Variants in CSMD3 observed in about 807,000 individuals in gnomAD.
The protein encoded by CSMD3 is CUB and sushi domain-containing protein 3.
A neutral mutation model predicts 435.2 loss-of-function variants in CSMD3; 177 were observed. The ratio of observed to expected loss-of-function variants is 0.41; its 90% CI spans 0.36 to 0.46. The LOEUF (loss-of-function observed/expected upper bound fraction) is 0.46. CSMD3 is among the 20% of genes least tolerant of loss of function. The pLI, the probability that CSMD3 is intolerant of heterozygous loss-of-function variation, is 0.34. For synonymous variants in CSMD3, 1,656 were observed against 1,520.5 expected (o/e 1.09, Z -2.07); for missense variants, 4,265 against 4,504.6 (o/e 0.95, Z 1.52).
At chr8:113,008,981 GTAA>G (rs1214222783) in intron 6 of CSMD3, among the ~76,000 whole-genome samples, 2 of 151,110 alleles carry the variant, frequency 1.3e-5, no homozygotes, top group Non-Finnish European at 3.0e-5. Context: ...AAATATATTA[GTAA>G]TATTTTATAT....
At chr8:112,855,829 T>C (rs2080641310) in intron 11 of CSMD3, among the ~76,000 whole-genome samples, 1 of 151,496 alleles carries the variant, frequency 6.6e-6, no homozygotes, top group Non-Finnish European at 1.5e-5. Context: ...TTTTTTTCTT[T>C]GTCTCAAGAT....
chr8:112,272,026 C>T (rs1817573369), intron 59 of CSMD3, among the ~76,000 whole-genome samples: 1 of 152,112 alleles, frequency 6.6e-6, no homozygotes, highest in Non-Finnish European at 1.5e-5. Flanking sequence ...TCACCTTCTG[C>T]CAGTCAGGGC....
rs2092412971 is a variant in CSMD3, at chr8:113,180,850, C to T, written c.515-6934G>A. Among the ~76,000 whole-genome samples the T allele has an allele frequency of 2.0e-5, 3 of 151,984 alleles. No individual in the cohort carries two copies. The South Asian group carries it at 6.2e-4, about 32-fold the overall frequency. The stretch of plus-strand genomic sequence containing the variant: ...GTGAAAATCCATTCACTTCTGTAAG[C>T]CATTTCCTTTCCATAAGCATAATTT... On this transcript the variant is annotated intron_variant, in intron 3 of 70. Transcript: ENST00000297405.
At chr8:113,043,732 T>C (rs1485933916) in intron 5 of CSMD3, among the ~76,000 whole-genome samples, 1 of 152,096 alleles carries the variant, frequency 6.6e-6, no homozygotes, top group Non-Finnish European at 1.5e-5. Context: ...TACAACCATG[T>C]TTAGTTAGTA....
At position 112,383,580 on chromosome 8, in the gene CSMD3, A is replaced by T. The variant is rs1206593293; in HGVS notation, c.6018T>A (p.Leu2006=). The part of the protein sequence containing the change: ...YDGGDNNAPR[L]GSYSGTTIPH... ...TCTCTTATTTACCTGAATAGCTTCC[A>T]AGTCTTGGAGCATTGTTGTCTCCCC... Residue 2006 remains leucine (L), a synonymous_variant, in exon 37 of 71, where the codon CTT becomes CTA. Transcript: ENST00000297405. The T allele has an allele frequency of 1.9e-6, 3 of 1,570,978 alleles. No homozygotes were observed. The Admixed American group carries it at 5.0e-5, about 26-fold the overall frequency.
intron 10 of CSMD3, among the ~76,000 whole-genome samples, chr8:112,869,870 C>T (rs2081082367): frequency 6.6e-6 from 1 of 151,846 alleles, no homozygotes; most frequent in Admixed American, 6.6e-5. Context: ...CATTGCACAC[C>T]CGGGCCTGTT....
At chr8:112,600,595 G>T (rs1832250759) in intron 22 of CSMD3, among the ~76,000 whole-genome samples, 1 of 152,172 alleles carries the variant, frequency 6.6e-6, no homozygotes. Context: ...ATGTCTTTTA[G>T]TCAAACGGTC....
chr8:113,154,204 T>G (rs2091889449), intron 4 of CSMD3, among the ~76,000 whole-genome samples: 1 of 152,014 alleles, frequency 6.6e-6, no homozygotes, highest in East Asian at 1.9e-4. Flanking sequence ...AACCAAATAC[T>G]TACAAACCAA....
intron 13 of CSMD3, among the ~76,000 whole-genome samples, chr8:112,697,387 C>T (rs2131857112): frequency 6.6e-6 from 1 of 152,268 alleles, no homozygotes; most frequent in South Asian, 2.1e-4. Context: ...CCATGGAATA[C>T]TATGCAGCCA....
At chr8:112,547,498 T>G (rs1827286140) in intron 27 of CSMD3, among the ~76,000 whole-genome samples, 1 of 151,928 alleles carries the variant, frequency 6.6e-6, no homozygotes, top group Admixed American at 6.6e-5. Context: ...CAGTGAGCTG[T>G]GATTGTGCCA....
chr8:112,903,861 G>A lies in CSMD3; in HGVS notation c.1633+17766C>T, dbSNP rs149493440. ...GAAAGCTGTCACTCTGTCATTCCAC[G>A]AGGTAAACAAATGCCAACTTTCTAG... is the stretch of plus-strand genomic sequence containing the variant. On this transcript the variant is annotated intron_variant, in intron 10 of 70. Transcript: ENST00000297405. Among the ~76,000 whole-genome samples the A allele has an allele frequency of 9.2e-4, 139 of 151,234 alleles. 4 individuals are homozygous for A. In the East Asian group the frequency reaches 0.026, roughly 28 times the overall value.
At position 113,058,099 on chromosome 8, in the gene CSMD3, T is replaced by C. The variant is rs183048681; in HGVS notation, c.918-38920A>G. 5.9e-3 allele frequency among the ~76,000 whole-genome samples: 903 copies of C among 152,028 alleles called. 4 individuals carry two copies. The highest frequency in any genetic ancestry group is 0.019 in the African/African-American group (802 of 41,560). ...CATAAAATAAGAAAATATGTTTATA[T>C]GGAAATATTTTAATTGAAATATCAA... On this transcript the variant is annotated intron_variant, in intron 5 of 70. Transcript: ENST00000297405.
chr8:112,352,304 C>T, intron 39 of CSMD3, 112 bp downstream of exon 39: 1 of 1,536,842 alleles, frequency 6.5e-7, no homozygotes, highest in Admixed American at 1.7e-5. Flanking sequence ...CTTTTGACCT[C>T]AGACACAAAC....
chr8:112,996,172 T>C (rs914909777), intron 6 of CSMD3, among the ~76,000 whole-genome samples: 6 of 151,378 alleles, frequency 4.0e-5, no homozygotes, highest in South Asian at 2.1e-4. Flanking sequence ...AGATTATCTC[T>C]AGTCATTATG....
At chr8:113,308,418 A>G (rs1030149137) in intron 2 of CSMD3, among the ~76,000 whole-genome samples, 1 of 151,426 alleles carries the variant, frequency 6.6e-6, no homozygotes, top group Non-Finnish European at 1.5e-5. Flanking sequence ...ACAGGCGCCC[A>G]ACACCACGCC....
chr8:112,276,460 T>C (rs1203192125), intron 59 of CSMD3, among the ~76,000 whole-genome samples: 13 of 152,148 alleles, frequency 8.5e-5, no homozygotes, highest in Admixed American at 8.5e-4. Context: ...TCCAACCCCA[T>C]GTTTCTCTTC....
At chr8:112,252,708 T>TAC (rs1164691876) in intron 63 of CSMD3, among the ~76,000 whole-genome samples, 1 of 144,570 alleles carries the variant, frequency 6.9e-6, no homozygotes, top group Non-Finnish European at 1.5e-5. Context: ...TATATATATA[T>TAC]ACACATTCAT....
intron 11 of CSMD3, among the ~76,000 whole-genome samples, chr8:112,848,715 T>C (rs993611873): frequency 6.6e-6 from 1 of 152,102 alleles, no homozygotes; most frequent in African/African-American, 2.4e-5. Flanking sequence ...TTACCCCTAA[T>C]TTAAAGATGA....
chr8:112,491,954 TAGAG>T (rs910686799), intron 31 of CSMD3, among the ~76,000 whole-genome samples: 10 of 152,254 alleles, frequency 6.6e-5, no homozygotes, highest in South Asian at 2.1e-4. Flanking sequence ...CTTTCTTATA[TAGAG>T]AGAGTTATAT....
Sources: allele counts gnomAD v4.1 joint callset (sites outside exome capture counted in the v4.1 genomes callset), GRCh38; gene constraint gnomAD v4.1.1; transcripts MANE v1.5; gene names NCBI Gene and HGNC (gene_info 2026-07-23, HGNC 2026-07-21).